GNAI2: variants seen among roughly 807,000 people sequenced by gnomAD.
GNAI2 encodes the protein guanine nucleotide-binding protein G(i) subunit alpha-2.
A neutral mutation model predicts 36.8 loss-of-function variants in GNAI2; 4 were observed. The observed-to-expected ratio is 0.11, with a 90% CI of 0.05 to 0.25. GNAI2 has a LOEUF of 0.25. Among genes scored for constraint, GNAI2 ranks in the 10% least tolerant of loss-of-function variants. The probability of loss-of-function intolerance (pLI) is 1.00; values close to 1 mark genes in which losing one functional copy is unlikely to be tolerated. For missense variants in GNAI2, 230 were observed against 481.3 expected (o/e 0.48, Z 4.89); for synonymous variants, 194 against 194.1 (o/e 1.00, Z 0.01).
rs1700223899 is a variant in GNAI2 at position 50,238,139 on chromosome 3, G to GT, written c.118+1687dup. On this transcript the variant is annotated intron_variant, in intron 1 of 8. Coordinates refer to ENST00000313601, the MANE Select transcript of GNAI2 (RefSeq NM_002070.4). This position sits in a 1 kb window ranked among gnomAD's most constrained non-coding sequence, Gnocchi z 5.0. Reference sequence around the variant, plus strand: ...TGAGTGCGGCAGCGGCAGTGAGTGGGTGTCGACGCGGCGGAATGCCCGTCG... The same window carrying GT: ...TGAGTGCGGCAGCGGCAGTGAGTGGGTTGTCGACGCGGCGGAATGCCCGTCG... The GT allele has an allele frequency of 1.3e-5, 2 of 152,236 alleles. No individual in the cohort carries two copies. The highest frequency in any genetic ancestry group is 2.1e-4 in the South Asian group (1 of 4,834). The allele number at this position is 152,236 out of a possible 1,614,324, so 9.4% of individuals were successfully genotyped here. A position where few individuals can be genotyped will look rare whatever the true frequency, so the allele number is the denominator to read the frequency against.
At chr3:50,254,707 A>G (rs1290156315) in intron 4 of GNAI2, among the ~76,000 whole-genome samples, 1 of 152,206 alleles carries the variant, frequency 6.6e-6, no homozygotes, top group African/African-American at 2.4e-5. Flanking sequence ...GCAGGAATAG[A>G]GCCACCTCCA....
At position 50,238,449 on chromosome 3, in the gene GNAI2, G is replaced by A. The variant is rs1300835791; in HGVS notation, c.118+1996G>A. ...AGACCTGGTAACTCCTCCCACACTG[G>A]GCTGGCAGCAGCCAGGGGTGCAGGG... On this transcript the variant is annotated intron_variant, in intron 1 of 8. Coordinates refer to ENST00000313601, the MANE Select transcript of GNAI2 (RefSeq NM_002070.4). This position sits in a 1 kb window ranked among gnomAD's most constrained non-coding sequence, Gnocchi z 5.0. 1 of 152,344 alleles carries A rather than the reference G, an allele frequency of 6.6e-6. No homozygotes were observed. The highest frequency in any genetic ancestry group is 1.5e-5 in the Non-Finnish European group (1 of 68,148). 9.4% of individuals were successfully genotyped at this position (152,344 alleles called of 1,614,324 possible).
chr3:50,236,560 G>C lies in GNAI2; in HGVS notation c.118+107G>C. ...TCAAACTCCCAGACCCGGGCTGTCT[G>C]GGACCCCACACCTGGGCCAGGACCA... is the stretch of plus-strand genomic sequence containing the variant. On this transcript the variant is annotated intron_variant, in intron 1 of 8. Transcript: ENST00000313601. This position sits in a 1 kb window ranked among gnomAD's most constrained non-coding sequence, Gnocchi z 4.0. The C allele has an allele frequency of 7.0e-7, 1 of 1,429,608 alleles. No homozygotes were observed. Among genetic ancestry groups the C allele is most frequent in the Non-Finnish European group, 9.2e-7 (1 of 1,086,808 alleles). The allele number at this position is 1,429,608 out of a possible 1,614,324, so 88.6% of individuals were successfully genotyped here.
chr3:50,250,125 A>C (rs1700519137), intron 1 of GNAI2, among the ~76,000 whole-genome samples: 1 of 152,148 alleles, frequency 6.6e-6, no homozygotes, highest in Non-Finnish European at 1.5e-5. Context: ...TTCACTGGTT[A>C]GATTGGGGTG....
upstream of GNAI2, among the ~76,000 whole-genome samples, chr3:50,233,892 CTTTTTTTTTTTT>C (rs11313623): frequency 6.4e-5 from 7 of 110,216 alleles, no homozygotes; most frequent in Middle Eastern, 4.8e-3. Context: ...TAACAAGGTT[CTTTTTTTTTTTT>C]TTTTTTTTTG....
chr3:50,247,184 C>T (rs1331487052), intron 1 of GNAI2: 2 of 669,154 alleles, frequency 3.0e-6, no homozygotes, highest in Non-Finnish European at 5.4e-6. Context: ...TTAATCCTTA[C>T]CCATCTCTCA....
rs1258515569 is a variant in GNAI2 at position 50,243,601 on chromosome 3, C to T, written c.118+7148C>T. On this transcript the variant is annotated intron_variant, in intron 1 of 8. Transcript: ENST00000313601. ...CCTCAGGTGATAACCACAGCTGTCT[C>T]TGATTGAGCCTTGACTGTTGTGTGG... is the stretch of plus-strand genomic sequence containing the variant. 2.6e-5 allele frequency among the ~76,000 whole-genome samples: 4 copies of T among 152,396 alleles called. No homozygotes were observed. In the South Asian group the frequency reaches 8.3e-4, roughly 32 times the overall value.
upstream of GNAI2, among the ~76,000 whole-genome samples, chr3:50,228,550 CAAAAAAAAA>C (rs587623155): frequency 1.1e-5 from 1 of 94,810 alleles, no homozygotes; most frequent in South Asian, 3.4e-4. Context: ...ACTCCGTCTC[CAAAAAAAAA>C]AAAAAAAAAA....
rs147785481 is a variant in GNAI2, at chr3:50,257,597, G to T, written c.975G>T (p.Thr325=). 2.6e-5 allele frequency: 42 copies of T among 1,611,014 alleles called. No homozygotes were observed. In the African/African-American group the frequency reaches 4.4e-4, roughly 17 times the overall value. ...CCAAGGAGATCTACACGCACTTCAC[G>T]TGCGCCACCGACACCAAGAACGTGC... ...KDTKEIYTHF[T]CATDTKNVQF... Residue 325 remains threonine (T), a synonymous_variant, in exon 8 of 9, where the codon ACG becomes ACT. Coordinates refer to ENST00000313601, the MANE Select transcript of GNAI2 (RefSeq NM_002070.4).
chr3:50,230,985 C>A (rs1553699745), exon 1 of GNAI2: 2 of 983,948 alleles, frequency 2.0e-6, no homozygotes, highest in Non-Finnish European at 2.4e-6. Flanking sequence ...GCTGACTCAG[C>A]TGCAAAGCAA....
In GNAI2 at chr3:50,236,302, G is replaced by T; in HGVS notation, c.-34G>T. The T allele has an allele frequency of 7.5e-7, 1 of 1,334,078 alleles. No homozygotes were observed. Among genetic ancestry groups the T allele is most frequent in the Non-Finnish European group, 9.6e-7 (1 of 1,044,016 alleles). 82.6% of individuals were successfully genotyped at this position (1,334,078 alleles called of 1,614,324 possible). A position where few individuals can be genotyped will look rare whatever the true frequency, so the allele number is the denominator to read the frequency against. The stretch of plus-strand genomic sequence containing the variant: ...CCGAGCCGGGCCGTGGGCCGTGTGG[G>T]GGCCGGGCGGCGGCCGGGCCGGCGG... On this transcript the variant is annotated 5_prime_UTR_variant, in exon 1 of 9. Coordinates refer to ENST00000313601, the MANE Select transcript of GNAI2 (RefSeq NM_002070.4). This position sits in a 1 kb window ranked among gnomAD's most constrained non-coding sequence, Gnocchi z 4.0.
chr3:50,236,462 G>C lies in GNAI2; in HGVS notation c.118+9G>C. On this transcript the variant is annotated intron_variant, in intron 1 of 8. Coordinates refer to ENST00000313601, the MANE Select transcript of GNAI2 (RefSeq NM_002070.4). The surrounding 1 kb of genome is among the most constrained non-coding windows in gnomAD (Gnocchi z 4.0). ...GAAGTTGCTGCTGTTGGGTGAGGCC[G>C]CGTCCCGCACTGGGATCCTTGATTC... 2 of 1,572,006 alleles carry C rather than the reference G, an allele frequency of 1.3e-6. No homozygotes were observed. The highest frequency in any genetic ancestry group is 1.7e-6 in the Non-Finnish European group (2 of 1,162,916).
In GNAI2 at chr3:50,252,041, T is replaced by C; in HGVS notation, c.119-59T>C. The C allele has an allele frequency of 1.3e-6, 2 of 1,531,328 alleles. No homozygotes were observed. The highest frequency in any genetic ancestry group is 9.0e-7 in the Non-Finnish European group (1 of 1,106,648). The allele number at this position is 1,531,328 out of a possible 1,614,324, so 94.9% of individuals were successfully genotyped here. A position where few individuals can be genotyped will look rare whatever the true frequency, so the allele number is the denominator to read the frequency against. On this transcript the variant is annotated intron_variant, in intron 1 of 8. Coordinates refer to ENST00000313601, the MANE Select transcript of GNAI2 (RefSeq NM_002070.4). The surrounding 1 kb of genome is among the most constrained non-coding windows in gnomAD (Gnocchi z 4.1). Reference sequence around the variant, plus strand: ...GGGCTACAGGTGTCTGGGCATTTGTTCTGTGCCTGTGGAGCCCCTCTGGGC... The same window carrying C: ...GGGCTACAGGTGTCTGGGCATTTGTCCTGTGCCTGTGGAGCCCCTCTGGGC...
chr3:50,257,576 G>A lies in GNAI2; in HGVS notation c.954G>A (p.Lys318=). The change falls in exon 8 of 9, where the codon AAG becomes AAA. Residue 318 remains lysine (K), a synonymous_variant. Coordinates refer to ENST00000313601, the MANE Select transcript of GNAI2 (RefSeq NM_002070.4). ...ACCTGAATAAGCGCAAAGACACCAAGGAGATCTACACGCACTTCACGTGCG... is the reference window on the plus strand; with the variant it reads ...ACCTGAATAAGCGCAAAGACACCAAAGAGATCTACACGCACTTCACGTGCG... ...FEDLNKRKDT[K]EIYTHFTCAT... is the part of the protein sequence containing the mutation. 7.3e-7 allele frequency: 1 copy of A among 1,364,932 alleles called. No individual in the cohort carries two copies. Among genetic ancestry groups the A allele is most frequent in the Non-Finnish European group, 9.5e-7 (1 of 1,049,356 alleles). The allele number at this position is 1,364,932 out of a possible 1,614,324, so 84.6% of individuals were successfully genotyped here.
chr3:50,248,796 G>A (rs1230418425), intron 1 of GNAI2, among the ~76,000 whole-genome samples: 1 of 152,132 alleles, frequency 6.6e-6, no homozygotes. Flanking sequence ...AGAGGCCTTA[G>A]GAGGGGAAAA....
rs1485999132 is a variant in GNAI2 at position 50,236,588 on chromosome 3, G to T, written c.118+135G>T. ...ACCCCACACCTGGGCCAGGACCAGG[G>T]TTGAAAACTCTAGATTGGACTAGAC... On this transcript the variant is annotated intron_variant, in intron 1 of 8. Transcript: ENST00000313601. The surrounding 1 kb of genome is among the most constrained non-coding windows in gnomAD (Gnocchi z 4.0). 3 of 1,252,348 alleles carry T rather than the reference G, an allele frequency of 2.4e-6. No individual in the cohort carries two copies. In the East Asian group the frequency reaches 9.4e-5, roughly 39 times the overall value. 77.6% of individuals were successfully genotyped at this position (1,252,348 alleles called of 1,614,324 possible). A position where few individuals can be genotyped will look rare whatever the true frequency, so the allele number is the denominator to read the frequency against.
upstream of GNAI2, chr3:50,230,404 C>T (rs1232053308): frequency 6.6e-6 from 1 of 152,242 alleles, no homozygotes; most frequent in Non-Finnish European, 1.5e-5. Flanking sequence ...ATCTGGGAGC[C>T]GTGGAGGTAG....
chr3:50,257,742 C>T lies in GNAI2; in HGVS notation c.*24+28C>T, dbSNP rs371484378. 3.0e-5 allele frequency: 31 copies of T among 1,046,226 alleles called. No individual in the cohort carries two copies. The African/African-American group carries it at 4.6e-4, about 16-fold the overall frequency. The allele number at this position is 1,046,226 out of a possible 1,614,324, so 64.8% of individuals were successfully genotyped here. A position where few individuals can be genotyped will look rare whatever the true frequency, so the allele number is the denominator to read the frequency against. Reference sequence around the variant, plus strand: ...GAGCCAGAGGGGCTGTGGCAGGGTGCTGGGGAAGAACTAAGCGGGCCTGGA... The same window carrying T: ...GAGCCAGAGGGGCTGTGGCAGGGTGTTGGGGAAGAACTAAGCGGGCCTGGA... On this transcript the variant is annotated intron_variant, in intron 8 of 8. Coordinates refer to ENST00000313601, the MANE Select transcript of GNAI2 (RefSeq NM_002070.4).
At chr3:50,251,566 G>A (rs1219181675) in intron 1 of GNAI2, 13 of 1,201,438 alleles carry the variant, frequency 1.1e-5, no homozygotes, top group African/African-American at 1.6e-5. Flanking sequence ...AGCAGAGGGC[G>A]GGGCATTGGG....
Sources: gnomAD v4.1 joint callset for allele counts (sites outside exome capture counted in the v4.1 genomes callset) on GRCh38, gnomAD v4.1.1 for gene constraint, Gnocchi (gnomAD v3.1) non-coding constraint, MANE v1.5 for transcripts, NCBI Gene and HGNC (gene_info 2026-07-23, HGNC 2026-07-21) for gene names.